Variants in NFXL1 observed in about 807,000 individuals in gnomAD.
NFXL1 encodes nuclear transcription factor, X-box binding like 1.
NFXL1 carries 66 observed loss-of-function variants against 123.3 expected under a neutral mutation model. The observed-to-expected ratio is 0.54, with a 90% CI of 0.44 to 0.66. The LOEUF is 0.66. Ranked by LOEUF, NFXL1 falls within the 30% of genes least tolerant of loss-of-function variation. The pLI, the probability that NFXL1 is intolerant of heterozygous loss-of-function variation, is 0.00. For synonymous variants in NFXL1, 346 were observed against 360.8 expected (o/e 0.96, Z 0.46); for missense variants, 944 against 1,125.6 (o/e 0.84, Z 2.31).
rs560348020 is a variant in NFXL1, at chr4:47,873,583, C to A, written c.2246+1544G>T. ...AATCTTTCTGATCAGTAGGTCTCAA[C>A]AGTGGGCTTAAAATATTCAGTAAAC... is the stretch of plus-strand genomic sequence containing the variant. On this transcript the variant is annotated intron_variant, in intron 18 of 22. Transcript: ENST00000507489. Among the ~76,000 whole-genome samples, 11 of 152,306 alleles carry A rather than the reference C, an allele frequency of 7.2e-5. No homozygotes were observed. The South Asian group carries it at 2.3e-3, about 32-fold the overall frequency.
intron 15 of NFXL1, among the ~76,000 whole-genome samples, chr4:47,881,618 T>C (rs893799622): frequency 6.6e-6 from 1 of 152,176 alleles, no homozygotes; most frequent in East Asian, 1.9e-4. Context: ...ATTGCCAAAC[T>C]TGGAAGCAAC....
In NFXL1 at chr4:47,848,308, A is replaced by C. The variant is rs776476761; in HGVS notation, c.2591T>G (p.Leu864Arg). Residue 864 changes from leucine (L) to arginine (R), a missense_variant, in exon 23 of 23, where the codon CTG (leucine) becomes CGG (arginine). By Grantham distance (102) the Leu-to-Arg change is moderately radical. Coordinates refer to ENST00000507489, the MANE Select transcript of NFXL1 (RefSeq NM_001278624.2). ...CCTGTTCTTCTTCCGACGACCCTTC[A>C]GTCTGTTTTCAAAAGCTTCTAGTTC... is the stretch of plus-strand genomic sequence containing the variant. The part of the protein sequence containing the change: ...QAELEAFENR[L>R]KGRRKKNRKR... 2.5e-6 allele frequency: 4 copies of C among 1,612,204 alleles called. No homozygotes were observed. In the East Asian group the frequency reaches 8.9e-5, roughly 36 times the overall value.
chr4:47,870,298 T>A (rs561068873), intron 18 of NFXL1, among the ~76,000 whole-genome samples: 1 of 152,192 alleles, frequency 6.6e-6, no homozygotes, highest in South Asian at 2.1e-4. Context: ...CATTAGCAAA[T>A]CCAAATCAAC....
intron 5 of NFXL1, among the ~76,000 whole-genome samples, chr4:47,902,326 A>T (rs1223377723): frequency 6.6e-6 from 1 of 152,226 alleles, no homozygotes; most frequent in Non-Finnish European, 1.5e-5. Flanking sequence ...CAATATGAAT[A>T]AATTTCTTAT....
In NFXL1 at chr4:47,914,008, G is replaced by A. The variant is rs1052432746; in HGVS notation, c.196C>T (p.Pro66Ser). 1.9e-6 allele frequency: 3 copies of A among 1,548,378 alleles called. No homozygotes were observed. The South Asian group carries it at 3.6e-5, about 18-fold the overall frequency. The change falls in exon 2 of 23, where the codon CCC (proline) becomes TCC (serine). Residue 66 changes from proline (P) to serine (S), a missense_variant. Around this residue, in one of 4 missense-constraint regions of NFXL1, gnomAD observed 303 missense variants for 292.1 expected, o/e 1.04. Transcript: ENST00000507489. Reference sequence around the variant, plus strand: ...GTCTGCAGGGCTTGGGATCCTGCGGGGCTGTGCCTGCTCCCTGCAGCCGCC... The same window carrying A: ...GTCTGCAGGGCTTGGGATCCTGCGGAGCTGTGCCTGCTCCCTGCAGCCGCC... ...TTAAAGSRHS[P>S]AGSQALQTTA...
intron 18 of NFXL1, among the ~76,000 whole-genome samples, chr4:47,872,461 CAAA>C (rs34343515): frequency 1.6e-4 from 18 of 110,894 alleles, no homozygotes; most frequent in Middle Eastern, 4.5e-3. Context: ...GACTCTGTCT[CAAA>C]AAAAAAAAAA....
intron 20 of NFXL1, among the ~76,000 whole-genome samples, chr4:47,853,952 G>C (rs1734265316): frequency 6.6e-6 from 1 of 152,112 alleles, no homozygotes; most frequent in Admixed American, 6.6e-5. Flanking sequence ...GAAAAGAGTT[G>C]TTCCAAAGTA....
intron 20 of NFXL1, among the ~76,000 whole-genome samples, chr4:47,853,421 T>C (rs2110027319): frequency 6.6e-6 from 1 of 152,182 alleles, no homozygotes; most frequent in East Asian, 1.9e-4. Flanking sequence ...TAAATCTCTA[T>C]AAACTCTATT....
chr4:47,904,741 C>T lies in NFXL1; in HGVS notation c.516+496G>A, dbSNP rs16860736. 9.2e-3 allele frequency among the ~76,000 whole-genome samples: 1,405 copies of T among 152,256 alleles called. 18 individuals are homozygous for T. The highest frequency in any genetic ancestry group is 0.031 in the African/African-American group (1,296 of 41,544). On this transcript the variant is annotated intron_variant, in intron 4 of 22. Transcript: ENST00000507489. ...TAAATTTACACATATATATCTTTAT[C>T]ACTACGCCATATCTCCTCCAAGGAC...
intron 14 of NFXL1, 74 bp downstream of exon 14, chr4:47,885,424 T>C (rs1044582530): frequency 9.5e-5 from 119 of 1,255,308 alleles, no homozygotes; most frequent in Middle Eastern, 1.9e-4. Context: ...CATTGCTCAT[T>C]GAAAAACTAA....
Position 47,848,174 on chromosome 4 carries a change from C to A in NFXL1, c.2725G>T (p.Asp909Tyr). ...GATCAAAACTTTTTTTAATTGACAT[C>A]ATGGGTGATGTACCAGGCAAACACT... is the stretch of plus-strand genomic sequence containing the variant. ...VVVFAWYITH[D>Y]VN The change falls in exon 23 of 23, where the codon GAT (aspartate) becomes TAT (tyrosine). Residue 909 changes from aspartate (D) to tyrosine (Y), a missense_variant. Around this residue, in one of 4 missense-constraint regions of NFXL1, gnomAD observed 301 missense variants for 348.0 expected, o/e 0.86. Transcript: ENST00000507489. 6.3e-7 allele frequency: 1 copy of A among 1,577,324 alleles called. No individual in the cohort carries two copies.
At chr4:47,849,910 T>G (rs900934978) in intron 22 of NFXL1, among the ~76,000 whole-genome samples, 4 of 152,074 alleles carry the variant, frequency 2.6e-5, no homozygotes, top group African/African-American at 9.7e-5. Context: ...GTAAATGCTA[T>G]GTAAATAGGT....
intron 3 of NFXL1, among the ~76,000 whole-genome samples, chr4:47,908,153 C>T (rs1737645491): frequency 6.6e-6 from 1 of 152,180 alleles, no homozygotes; most frequent in South Asian, 2.1e-4. Context: ...CTCAGCCAGG[C>T]ACAGTGGCTC....
chr4:47,910,703 T>C (rs1418989674), intron 3 of NFXL1, 121 bp downstream of exon 3: 6 of 517,848 alleles, frequency 1.2e-5, no homozygotes, highest in Non-Finnish European at 1.6e-5. Flanking sequence ...TTCAACTCTA[T>C]AACATACAGT....
chr4:47,878,432 TA>T, intron 17 of NFXL1, 92 bp downstream of exon 17: 2 of 1,019,162 alleles, frequency 2.0e-6, no homozygotes, highest in Non-Finnish European at 1.4e-6. Flanking sequence ...GACAGGAAGC[TA>T]AAGCAAAACA....
chr4:47,868,318 CAA>C (rs1213955591), intron 18 of NFXL1, among the ~76,000 whole-genome samples: 5 of 90,840 alleles, frequency 5.5e-5, no homozygotes, highest in Non-Finnish European at 6.8e-5. Context: ...GACTCCGTCT[CAA>C]AAAAAAAAAA....
chr4:47,910,540 C>A (rs1451646214), intron 3 of NFXL1, among the ~76,000 whole-genome samples: 1 of 152,144 alleles, frequency 6.6e-6, no homozygotes, highest in Non-Finnish European at 1.5e-5. Flanking sequence ...CGCTCAGGAG[C>A]TTTAGCAGCC....
Position 47,914,175 on chromosome 4 carries a change from C to A in NFXL1, c.29G>T (p.Gly10Val). 6.6e-7 allele frequency: 1 copy of A among 1,526,620 alleles called. No homozygotes were observed. Among genetic ancestry groups the A allele is most frequent in the Non-Finnish European group, 8.8e-7 (1 of 1,134,560 alleles). 94.6% of individuals were successfully genotyped at this position (1,526,620 alleles called of 1,614,324 possible). MEASWRQVA[G>V]GRGRSRGRAT... The stretch of plus-strand genomic sequence containing the variant: ...CCGTCCCCGGGATCGGCCTCGGCCA[C>A]CGGCCACCTGGCGCCAGGAAGCTTC... The change falls in exon 2 of 23, where the codon GGT becomes GTT. Residue 10 changes from glycine to valine, a missense_variant. Physicochemically the swap from Gly to Val is moderately radical, Grantham distance 109. Transcript: ENST00000507489.
chr4:47,891,092 T>A (rs926839473), intron 11 of NFXL1, among the ~76,000 whole-genome samples: 1 of 150,968 alleles, frequency 6.6e-6, no homozygotes, highest in African/African-American at 2.4e-5. Flanking sequence ...TTGGCAGTTA[T>A]TTATTTTCTT....
Sources: allele counts gnomAD v4.1 joint callset (sites outside exome capture counted in the v4.1 genomes callset), GRCh38; gene constraint gnomAD v4.1.1; regional missense constraint gnomAD v4.1.1; transcripts MANE v1.5; gene names NCBI Gene and HGNC (gene_info 2026-07-23, HGNC 2026-07-21).